ASIC2: variants seen among roughly 807,000 people sequenced by gnomAD.
ASIC2 encodes acid sensing ion channel subunit 2.
A neutral mutation model predicts 57.3 loss-of-function variants in ASIC2; 25 were observed. That is an observed-to-expected ratio of 0.44 (90% CI 0.32 to 0.61). The LOEUF is 0.61. Among genes scored for constraint, ASIC2 ranks in the 20% least tolerant of loss-of-function variants. The pLI is 0.06. For synonymous variants in ASIC2, 319 were observed against 307.5 expected (o/e 1.04, Z -0.39); for missense variants, 641 against 738.1 (o/e 0.87, Z 1.52).
At chr17:33,549,936 C>T (rs569208074) in intron 1 of ASIC2, among the ~76,000 whole-genome samples, 17 of 152,288 alleles carry the variant, frequency 1.1e-4, no homozygotes, top group South Asian at 8.3e-4. Context: ...AACCTAGGGA[C>T]GCTGAGACAG....
chr17:33,378,269 T>C (rs1056495345), intron 1 of ASIC2, among the ~76,000 whole-genome samples: 9 of 152,276 alleles, frequency 5.9e-5, no homozygotes, highest in African/African-American at 2.2e-4. Flanking sequence ...CACTGCCTTC[T>C]CTGCTAGCTA....
At chr17:33,928,141 AACC>A (rs1451758975) in intron 1 of ASIC2, among the ~76,000 whole-genome samples, 6 of 152,164 alleles carry the variant, frequency 3.9e-5, no homozygotes, top group African/African-American at 1.4e-4. Flanking sequence ...ACTGGAAAAA[AACC>A]ACAATTATTG....
At chr17:33,898,218 A>ATTTTTTTTTT (rs1242866465) in intron 1 of ASIC2, among the ~76,000 whole-genome samples, 2 of 67,828 alleles carry the variant, frequency 2.9e-5, no homozygotes, top group African/African-American at 5.9e-5. Context: ...TTCATGTATA[A>ATTTTTTTTTT]TCTTTTTTTT....
intron 1 of ASIC2, among the ~76,000 whole-genome samples, chr17:33,607,551 A>G (rs1009245811): frequency 6.6e-6 from 1 of 152,184 alleles, no homozygotes. Flanking sequence ...GAAATGGGCC[A>G]TGGTTGTATT....
intron 1 of ASIC2, among the ~76,000 whole-genome samples, chr17:33,882,870 C>T (rs1194207663): frequency 1.3e-5 from 2 of 152,100 alleles, no homozygotes; most frequent in Non-Finnish European, 2.9e-5. Context: ...AAATGTCCAA[C>T]AATGATAGAC....
intron 1 of ASIC2, among the ~76,000 whole-genome samples, chr17:33,856,840 T>C (rs1177439711): frequency 6.6e-6 from 1 of 151,942 alleles, no homozygotes; most frequent in Non-Finnish European, 1.5e-5. Flanking sequence ...GATGGGGGTG[T>C]ATGGGACAGG....
chr17:33,395,646 T>C (rs944215841), intron 1 of ASIC2, among the ~76,000 whole-genome samples: 3 of 152,172 alleles, frequency 2.0e-5, no homozygotes, highest in Non-Finnish European at 2.9e-5. Flanking sequence ...CGTTTATTCA[T>C]TGAACAAAAA....
intron 1 of ASIC2, among the ~76,000 whole-genome samples, chr17:34,055,644 G>A (rs564013507): frequency 1.6e-4 from 25 of 151,888 alleles, no homozygotes; most frequent in South Asian, 1.0e-3. Context: ...GAAATCACAC[G>A]GTATTTTCTT....
At chr17:33,613,434 G>A (rs894715810) in intron 1 of ASIC2, among the ~76,000 whole-genome samples, 1 of 147,748 alleles carries the variant, frequency 6.8e-6, no homozygotes, top group Non-Finnish European at 1.5e-5. Flanking sequence ...TTGCGATCTC[G>A]GCTCACTGCA....
At chr17:33,261,411 G>C (rs1567802347) in intron 1 of ASIC2, among the ~76,000 whole-genome samples, 1 of 152,192 alleles carries the variant, frequency 6.6e-6, no homozygotes, top group Admixed American at 6.5e-5. Context: ...TGTCCTCATG[G>C]AGCTTCCAGG....
intron 1 of ASIC2, among the ~76,000 whole-genome samples, chr17:33,518,353 A>G (rs1914636212): frequency 6.6e-6 from 1 of 152,186 alleles, no homozygotes. Flanking sequence ...GCTCTGAAAA[A>G]GGCTAAGGTT....
chr17:33,062,745 T>C (rs146003244), intron 3 of ASIC2, among the ~76,000 whole-genome samples: 569 of 152,312 alleles, frequency 3.7e-3, no homozygotes, highest in African/African-American at 0.013. Context: ...TTGATGTGTC[T>C]AATGTGGACA....
chr17:33,037,170 T>A (rs111819180), intron 3 of ASIC2, among the ~76,000 whole-genome samples: 2 of 147,988 alleles, frequency 1.4e-5, no homozygotes, highest in African/African-American at 5.0e-5. Context: ...ATCCCCTACA[T>A]TGCTCAATAT....
chr17:33,624,736 C>T (rs762394745), intron 1 of ASIC2, among the ~76,000 whole-genome samples: 5 of 152,206 alleles, frequency 3.3e-5, no homozygotes, highest in Non-Finnish European at 7.3e-5. Context: ...ATGGTCACTT[C>T]TAGGCCTTAA....
chr17:33,291,344 C>T (rs1267190495), intron 1 of ASIC2, 64 bp downstream of exon 1: 1 of 1,525,836 alleles, frequency 6.6e-7, no homozygotes, highest in Non-Finnish European at 8.8e-7. Context: ...GGCGGAACAC[C>T]AGGCCTCCTG....
At chr17:33,417,349 C>CA (rs960435226) in intron 1 of ASIC2, among the ~76,000 whole-genome samples, 111 of 152,280 alleles carry the variant, frequency 7.3e-4, no homozygotes, top group African/African-American at 2.5e-3. Flanking sequence ...TCAAGACTTC[C>CA]TGAAGCAGAT....
At chr17:33,848,567 G>C (rs1392395132) in intron 1 of ASIC2, among the ~76,000 whole-genome samples, 1 of 152,148 alleles carries the variant, frequency 6.6e-6, no homozygotes, top group South Asian at 2.1e-4. Context: ...TTTTTATCTA[G>C]TTATTTATAC....
At chr17:33,561,060 A>G (rs1916058764) in intron 1 of ASIC2, among the ~76,000 whole-genome samples, 1 of 152,134 alleles carries the variant, frequency 6.6e-6, no homozygotes, top group Non-Finnish European at 1.5e-5. Context: ...CCTGGGCCAT[A>G]GGGTAATGAA....
In ASIC2 at chr17:33,181,283, T is replaced by C. The variant is rs190525010; in HGVS notation, c.709-69216A>G. Reference sequence around the variant, plus strand: ...GGATAAAACTAATAGCAAACACTTATAGAAAAACACAAAAGTGTTTATAAT... The same window carrying C: ...GGATAAAACTAATAGCAAACACTTACAGAAAAACACAAAAGTGTTTATAAT... On this transcript the variant is annotated intron_variant, in intron 1 of 9. Transcript: ENST00000225823. 3.6e-3 allele frequency among the ~76,000 whole-genome samples: 548 copies of C among 152,272 alleles called. 5 individuals carry two copies. The highest frequency in any genetic ancestry group is 0.012 in the African/African-American group (506 of 41,554).
Sources: allele counts gnomAD v4.1 joint callset (sites outside exome capture counted in the v4.1 genomes callset), GRCh38; gene constraint gnomAD v4.1.1; transcripts MANE v1.5; gene names NCBI Gene and HGNC (gene_info 2026-07-23, HGNC 2026-07-21).